Variants in FSTL5 observed in about 807,000 individuals in gnomAD.
FSTL5 encodes follistatin like 5, also known as follistatin-related protein 5.
A neutral mutation model predicts 89.1 loss-of-function variants in FSTL5; 62 were observed. The ratio of observed to expected loss-of-function variants is 0.70; its 90% CI spans 0.57 to 0.86. FSTL5 has a LOEUF of 0.86. Ranked by LOEUF, FSTL5 falls within the 40% of genes least tolerant of loss-of-function variation. The probability of loss-of-function intolerance (pLI) is 0.00; values close to 1 mark genes in which losing one functional copy is unlikely to be tolerated. For synonymous variants in FSTL5, 383 were observed against 346.2 expected, an observed-to-expected ratio of 1.11 and a Z score of -1.18; for missense variants, 1,057 against 1,001.6, an observed-to-expected ratio of 1.06 and a Z score of -0.75.
intron 3 of FSTL5, among the ~76,000 whole-genome samples, chr4:161,977,623 A>AG (rs1560948439): frequency 1.3e-5 from 1 of 74,752 alleles, no homozygotes; most frequent in Non-Finnish European, 2.5e-5. Flanking sequence ...AAAAAAAAAA[A>AG]AAAAAAAAAA....
intron 2 of FSTL5, among the ~76,000 whole-genome samples, chr4:162,105,183 T>C (rs1212981121): frequency 6.6e-6 from 1 of 152,194 alleles, no homozygotes; most frequent in Non-Finnish European, 1.5e-5. Context: ...AACATATCCA[T>C]TACCTCACAT....
intron 11 of FSTL5, among the ~76,000 whole-genome samples, chr4:161,504,001 G>A (rs182039219): frequency 2.0e-4 from 30 of 151,950 alleles, no homozygotes; most frequent in East Asian, 1.9e-3. Flanking sequence ...AGAATGTTAC[G>A]TGGGATATCA....
At chr4:162,121,772 T>C (rs929786292) in intron 1 of FSTL5, among the ~76,000 whole-genome samples, 2 of 152,038 alleles carry the variant, frequency 1.3e-5, no homozygotes. Context: ...CACGGTTCCA[T>C]TTATACACAA....
Position 161,690,473 on chromosome 4 carries a change from T to C in FSTL5, c.728-33979A>G, listed in dbSNP as rs144700530. Among the ~76,000 whole-genome samples, 915 of 152,188 alleles carry C rather than the reference T, an allele frequency of 6.0e-3. 11 individuals are homozygous for C. Among genetic ancestry groups the C allele is most frequent in the South Asian group, 0.047 (227 of 4,814 alleles). ...TGTCTTCTTTGGGTAAATTTCTATTTAACTATTCAAGTCACTTGCCCATGT... is the reference window on the plus strand; with the variant it reads ...TGTCTTCTTTGGGTAAATTTCTATTCAACTATTCAAGTCACTTGCCCATGT... On this transcript the variant is annotated intron_variant, in intron 6 of 15. Transcript: ENST00000306100.
intron 7 of FSTL5, among the ~76,000 whole-genome samples, chr4:161,613,601 T>A (rs1734733965): frequency 6.6e-6 from 1 of 151,826 alleles, no homozygotes; most frequent in Non-Finnish European, 1.5e-5. Flanking sequence ...AAGAAAAAAA[T>A]CTCCAATGAC....
intron 1 of FSTL5, among the ~76,000 whole-genome samples, chr4:162,153,742 A>AC (rs772393962): frequency 1.3e-4 from 14 of 111,032 alleles, no homozygotes; most frequent in African/African-American, 3.2e-4. Context: ...ATATGTATAT[A>AC]ATAATATACA....
At chr4:161,892,894 G>T (rs1040877730) in intron 4 of FSTL5, among the ~76,000 whole-genome samples, 1 of 151,926 alleles carries the variant, frequency 6.6e-6, no homozygotes, top group Non-Finnish European at 1.5e-5. Context: ...ATAGTTACAT[G>T]CACATTTCAA....
At chr4:161,873,496 C>G (rs971386121) in intron 4 of FSTL5, among the ~76,000 whole-genome samples, 2 of 148,814 alleles carry the variant, frequency 1.3e-5, no homozygotes, top group African/African-American at 4.9e-5. Context: ...TTCCTTCCTT[C>G]CTTCCTTCTT....
intron 1 of FSTL5, among the ~76,000 whole-genome samples, chr4:162,126,093 T>C: frequency 6.6e-6 from 1 of 152,214 alleles, no homozygotes; most frequent in Non-Finnish European, 1.5e-5. Context: ...AATTCTACCT[T>C]TAAAATATAA....
chr4:162,058,892 T>A (rs1358843523), intron 2 of FSTL5, among the ~76,000 whole-genome samples: 1 of 152,188 alleles, frequency 6.6e-6, no homozygotes, highest in African/African-American at 2.4e-5. Flanking sequence ...AACTAAAGAC[T>A]TTCAATTATA....
At chr4:161,907,722 G>T (rs1030253556) in intron 4 of FSTL5, among the ~76,000 whole-genome samples, 1 of 152,034 alleles carries the variant, frequency 6.6e-6, no homozygotes, top group Non-Finnish European at 1.5e-5. Flanking sequence ...TTGACGATGA[G>T]GACTTTTTAT....
chr4:161,650,458 G>T (rs188739101), intron 7 of FSTL5, among the ~76,000 whole-genome samples: 1 of 152,190 alleles, frequency 6.6e-6, no homozygotes, highest in Admixed American at 6.5e-5. Flanking sequence ...AAATTTACCT[G>T]GGAGTTCTGT....
At chr4:161,631,317 GTTC>G (rs1215502994) in intron 7 of FSTL5, among the ~76,000 whole-genome samples, 1 of 152,078 alleles carries the variant, frequency 6.6e-6, no homozygotes, top group African/African-American at 2.4e-5. Context: ...TTCATAATCT[GTTC>G]TTCTATTAAT....
chr4:162,024,398 C>T (rs1484594870), intron 3 of FSTL5, among the ~76,000 whole-genome samples: 1 of 141,342 alleles, frequency 7.1e-6, no homozygotes, highest in Non-Finnish European at 1.6e-5. Flanking sequence ...CTTTTTATTT[C>T]CCTGGCACCT....
chr4:161,500,173 T>C (rs753073206), intron 11 of FSTL5, 39 bp from the exon 12 acceptor site: 1 of 1,343,292 alleles, frequency 7.4e-7, no homozygotes, highest in African/African-American at 1.5e-5. Flanking sequence ...CAAAATATAA[T>C]TATCATAAAC....
chr4:161,566,950 A>C (rs1560956979), intron 8 of FSTL5, among the ~76,000 whole-genome samples: 1 of 152,088 alleles, frequency 6.6e-6, no homozygotes, highest in Non-Finnish European at 1.5e-5. Flanking sequence ...TTAATTTCTA[A>C]AACATTCTTC....
intron 12 of FSTL5, among the ~76,000 whole-genome samples, chr4:161,482,808 T>A (rs1052940101): frequency 6.6e-6 from 1 of 152,238 alleles, no homozygotes; most frequent in African/African-American, 2.4e-5. Context: ...AAATGTCAGA[T>A]CTAATTCAGG....
intron 3 of FSTL5, among the ~76,000 whole-genome samples, chr4:161,938,554 G>C (rs1343153241): frequency 6.6e-6 from 1 of 151,996 alleles, no homozygotes; most frequent in Non-Finnish European, 1.5e-5. Flanking sequence ...AGAAACACTG[G>C]TGTACACCTT....
At chr4:162,135,273 A>G (rs1327730827) in intron 1 of FSTL5, among the ~76,000 whole-genome samples, 2 of 151,996 alleles carry the variant, frequency 1.3e-5, no homozygotes, top group Non-Finnish European at 2.9e-5. Context: ...TTTATATTTA[A>G]AACATAATAA....
Sources: gnomAD v4.1 joint callset for allele counts (sites outside exome capture counted in the v4.1 genomes callset) on GRCh38, gnomAD v4.1.1 for gene constraint, MANE v1.5 for transcripts, NCBI Gene and HGNC (gene_info 2026-07-23, HGNC 2026-07-21) for gene names.